MAP6D1: variants seen among roughly 807,000 people sequenced by gnomAD.
MAP6D1 encodes the protein MAP6 domain-containing protein 1.
A neutral mutation model predicts 17.4 loss-of-function variants in MAP6D1; 13 were observed. The ratio of observed to expected loss-of-function variants is 0.75; its 90% CI spans 0.49 to 1.19. The LOEUF is 1.19. Among genes scored for constraint, MAP6D1 ranks in the 50% most tolerant of loss-of-function variants. The pLI is 0.00. For missense variants in MAP6D1, 313 were observed against 312.6 expected (o/e 1.00, Z -0.01); for synonymous variants, 141 against 145.7 (o/e 0.97, Z 0.23).
intron 1 of MAP6D1, among the ~76,000 whole-genome samples, chr3:183,819,298 C>T (rs930939047): frequency 2.6e-5 from 4 of 152,256 alleles, no homozygotes; most frequent in Non-Finnish European, 4.4e-5. Flanking sequence ...CCCGAAGCCG[C>T]GAGCTTCTGA....
intron 1 of MAP6D1, 76 bp from the exon 2 acceptor site, chr3:183,818,187 T>TGCCCC: frequency 8.2e-7 from 1 of 1,222,496 alleles, no homozygotes; most frequent in African/African-American, 1.5e-5. Flanking sequence ...GCTGCTGCTC[T>TGCCCC]GCCCCATGCA....
At chr3:183,820,261 C>G (rs1577250997) in intron 1 of MAP6D1, 1 of 152,246 alleles carries the variant, frequency 6.6e-6, no homozygotes, top group East Asian at 1.9e-4. Flanking sequence ...CTTAAGTTTG[C>G]TTAGATGATG....
chr3:183,820,736 A>G (rs1338764891), intron 1 of MAP6D1, among the ~76,000 whole-genome samples: 1 of 38,512 alleles, frequency 2.6e-5, no homozygotes, highest in Admixed American at 3.0e-4. Flanking sequence ...CGTCTCTAGT[A>G]AAAAAAAAAA....
At chr3:183,821,400 CA>C (rs1197818892) in intron 1 of MAP6D1, among the ~76,000 whole-genome samples, 8 of 152,172 alleles carry the variant, frequency 5.3e-5, no homozygotes, top group African/African-American at 1.7e-4. Flanking sequence ...ACGAAGGCTG[CA>C]GGGGGCTAAC....
chr3:183,819,095 C>T (rs1727186638), intron 1 of MAP6D1, among the ~76,000 whole-genome samples: 2 of 152,248 alleles, frequency 1.3e-5, no homozygotes, highest in South Asian at 4.1e-4. Flanking sequence ...TGCGGAGTTG[C>T]TCCTGCCCAG....
In MAP6D1 at chr3:183,818,085, A is replaced by G; in HGVS notation, c.428T>C (p.Val143Ala). The G allele has an allele frequency of 6.2e-7, 1 of 1,613,854 alleles. No homozygotes were observed. Among genetic ancestry groups the G allele is most frequent in the African/African-American group, 1.3e-5 (1 of 74,944 alleles). ...YRQEFQAWTG[V>A]KPSRSTKTKP... Reference sequence around the variant, plus strand: ...TGTCTTTGTGGATCTTGAGGGCTTCACTCCAGTCCAAGCCTGGAATTCCTG... The same window carrying G: ...TGTCTTTGTGGATCTTGAGGGCTTCGCTCCAGTCCAAGCCTGGAATTCCTG... The change falls in exon 2 of 3, where the codon GTG becomes GCG. Residue 143 changes from valine to alanine, a missense_variant. By Grantham distance (64) the Val-to-Ala change is moderately conservative. Transcript: ENST00000318631.
In MAP6D1 at chr3:183,822,422, C is replaced by G. The variant is rs576708483; in HGVS notation, c.401+2725G>C. 8.3e-4 allele frequency among the ~76,000 whole-genome samples: 126 copies of G among 152,104 alleles called. No individual in the cohort carries two copies. In the South Asian group the frequency reaches 0.026, roughly 31 times the overall value. ...TGTCCCTGCACTCCAGCCTGGGCAACAGCAGCAACAACAACAAAACAAACA... is the reference window on the plus strand; with the variant it reads ...TGTCCCTGCACTCCAGCCTGGGCAAGAGCAGCAACAACAACAAAACAAACA... On this transcript the variant is annotated intron_variant, in intron 1 of 2. Transcript: ENST00000318631.
rs1051611775 is a variant in MAP6D1 at position 183,816,063 on chromosome 3, C to T, written c.*1293G>A. On this transcript the variant is annotated 3_prime_UTR_variant, in exon 3 of 3. Coordinates refer to ENST00000318631, the MANE Select transcript of MAP6D1 (RefSeq NM_024871.4). ...AATAGCTGAACCCCTTGGATAAGCA[C>T]ACGCTTTGGGCTTCTTTAAAGCGAG... 2 of 152,230 alleles carry T rather than the reference C, an allele frequency of 1.3e-5. No individual in the cohort carries two copies. Among genetic ancestry groups the T allele is most frequent in the African/African-American group, 2.4e-5 (1 of 41,448 alleles). The allele number at this position is 152,230 out of a possible 1,614,324, so 9.4% of individuals were successfully genotyped here.
At chr3:183,824,398 TC>T (rs1252258384) in intron 1 of MAP6D1, among the ~76,000 whole-genome samples, 1 of 152,244 alleles carries the variant, frequency 6.6e-6, no homozygotes, top group Non-Finnish European at 1.5e-5. Flanking sequence ...CGGACAGACT[TC>T]TACAACTGGT....
At position 183,818,131 on chromosome 3, in the gene MAP6D1, C is replaced by T; in HGVS notation, c.402-20G>A. On this transcript the variant is annotated intron_variant, in intron 1 of 2. Coordinates refer to ENST00000318631, the MANE Select transcript of MAP6D1 (RefSeq NM_024871.4). ...TCCTGTCTGGAACAGAGAACACGGTCACAAGCTTGCACAGGGTCAGCCACC... is the reference window on the plus strand; with the variant it reads ...TCCTGTCTGGAACAGAGAACACGGTTACAAGCTTGCACAGGGTCAGCCACC... The T allele has an allele frequency of 6.2e-7, 1 of 1,600,752 alleles. No homozygotes were observed. Among genetic ancestry groups the T allele is most frequent in the South Asian group, 1.1e-5 (1 of 90,822 alleles).
chr3:183,817,307 G>T lies in MAP6D1; in HGVS notation c.*49C>A. Reference sequence around the variant, plus strand: ...CCCCGCGGCAGTGGGTCCTGAGGCCGCTCCCCAGCCCTGTCCTGTCGGCAG... The same window carrying T: ...CCCCGCGGCAGTGGGTCCTGAGGCCTCTCCCCAGCCCTGTCCTGTCGGCAG... On this transcript the variant is annotated 3_prime_UTR_variant, in exon 3 of 3. Coordinates refer to ENST00000318631, the MANE Select transcript of MAP6D1 (RefSeq NM_024871.4). 1 of 1,532,520 alleles carries T rather than the reference G, an allele frequency of 6.5e-7. No homozygotes were observed. Among genetic ancestry groups the T allele is most frequent in the Non-Finnish European group, 8.8e-7 (1 of 1,131,028 alleles). 94.9% of individuals were successfully genotyped at this position (1,532,520 alleles called of 1,614,324 possible).
intron 1 of MAP6D1, among the ~76,000 whole-genome samples, chr3:183,818,531 C>T (rs982580059): frequency 1.3e-5 from 2 of 152,264 alleles, no homozygotes; most frequent in Admixed American, 6.5e-5. Context: ...GCACCCCCTG[C>T]GATTCTCCCA....
At chr3:183,819,048 T>C (rs2606227) in intron 1 of MAP6D1, among the ~76,000 whole-genome samples, 98,304 of 152,252 alleles carry the variant, frequency 0.65, 32,077 homozygotes, top group East Asian at 0.9. Flanking sequence ...CTGGCCAAGG[T>C]GGAAGTGTCC....
At chr3:183,819,299 G>A (rs765753689) in intron 1 of MAP6D1, among the ~76,000 whole-genome samples, 5 of 152,268 alleles carry the variant, frequency 3.3e-5, no homozygotes, top group South Asian at 2.1e-4. Flanking sequence ...CCGAAGCCGC[G>A]AGCTTCTGAA....
rs1220863524 is a variant in MAP6D1 at position 183,816,066 on chromosome 3, G to A, written c.*1290C>T. ...AGCTGAACCCCTTGGATAAGCACACGCTTTGGGCTTCTTTAAAGCGAGCCT... is the reference window on the plus strand; with the variant it reads ...AGCTGAACCCCTTGGATAAGCACACACTTTGGGCTTCTTTAAAGCGAGCCT... On this transcript the variant is annotated 3_prime_UTR_variant, in exon 3 of 3. Coordinates refer to ENST00000318631, the MANE Select transcript of MAP6D1 (RefSeq NM_024871.4). 3.3e-5 allele frequency: 5 copies of A among 152,290 alleles called. No homozygotes were observed. Among genetic ancestry groups the A allele is most frequent in the East Asian group, 3.9e-4 (2 of 5,176 alleles). The allele number at this position is 152,290 out of a possible 1,614,324, so 9.4% of individuals were successfully genotyped here. A position where few individuals can be genotyped will look rare whatever the true frequency, so the allele number is the denominator to read the frequency against.
intron 1 of MAP6D1, 47 bp from the exon 2 acceptor site, chr3:183,818,158 CT>C: frequency 1.3e-6 from 2 of 1,505,624 alleles, no homozygotes; most frequent in African/African-American, 1.4e-5. Context: ...TCAGCCACCC[CT>C]TTACCGACTC....
At chr3:183,818,405 C>A (rs1254761608) in intron 1 of MAP6D1, among the ~76,000 whole-genome samples, 1 of 152,242 alleles carries the variant, frequency 6.6e-6, no homozygotes, top group Non-Finnish European at 1.5e-5. Flanking sequence ...TATTCTCACA[C>A]TGCAGGCGAG....
chr3:183,817,426 A>C lies in MAP6D1; in HGVS notation c.530T>G (p.Val177Gly), dbSNP rs779184025. 12 of 1,562,150 alleles carry C rather than the reference A, an allele frequency of 7.7e-6. No individual in the cohort carries two copies. In the South Asian group the frequency reaches 1.4e-4, roughly 18 times the overall value. Residue 177 changes from valine to glycine, a missense_variant, in exon 3 of 3, where the codon GTG becomes GGG. Transcript: ENST00000318631. ...GGGGTTAGGAGTGAACTTCTTCCTC[A>C]CCTCTGGGACCTGAAAAATGAAGTG... ...SPGAGFQVPEVRKKFTPNPSA... is the reference protein window; with the variant it reads ...SPGAGFQVPEGRKKFTPNPSA...
In MAP6D1 at chr3:183,817,342, C is replaced by A; in HGVS notation, c.*14G>T. 6.4e-7 allele frequency: 1 copy of A among 1,559,448 alleles called. No homozygotes were observed. The highest frequency in any genetic ancestry group is 1.2e-5 in the South Asian group (1 of 84,480). On this transcript the variant is annotated 3_prime_UTR_variant, in exon 3 of 3. Coordinates refer to ENST00000318631, the MANE Select transcript of MAP6D1 (RefSeq NM_024871.4). The stretch of plus-strand genomic sequence containing the variant: ...CCTGTCCTGTCGGCAGCCATGGTGT[C>A]ACGGTGCAGGCAGTCACACGTTGAG...
Sources: gnomAD v4.1 joint callset for allele counts (sites outside exome capture counted in the v4.1 genomes callset) on GRCh38, gnomAD v4.1.1 for gene constraint, MANE v1.5 for transcripts, NCBI Gene and HGNC (gene_info 2026-07-23, HGNC 2026-07-21) for gene names.